The following ZNF385D variants were observed in gnomAD, a reference collection of about 807,000 sequenced individuals.
ZNF385D encodes zinc finger protein 659.
ZNF385D carries 15 observed loss-of-function variants against 35.8 expected under a neutral mutation model. That is an observed-to-expected ratio of 0.42 (90% CI 0.28 to 0.64). The LOEUF (loss-of-function observed/expected upper bound fraction) is 0.64. Ranked by LOEUF, ZNF385D falls within the 30% of genes least tolerant of loss-of-function variation. The pLI, the probability that ZNF385D is intolerant of heterozygous loss-of-function variation, is 0.23. For synonymous variants in ZNF385D, 212 were observed against 186.8 expected, an observed-to-expected ratio of 1.13 and a Z score of -1.10; for missense variants, 474 against 494.6, an observed-to-expected ratio of 0.96 and a Z score of 0.39.
chr3:22,223,666 T>A (rs1698390690), intron 2 of ZNF385D, among the ~76,000 whole-genome samples: 1 of 152,278 alleles, frequency 6.6e-6, no homozygotes, highest in African/African-American at 2.4e-5. Context: ...CTAAATATAT[T>A]TTAATAATTT....
At chr3:21,981,500 T>C (rs1694448948) in intron 3 of ZNF385D, among the ~76,000 whole-genome samples, 1 of 152,160 alleles carries the variant, frequency 6.6e-6, no homozygotes, top group South Asian at 2.1e-4. Flanking sequence ...AAAAATTTCC[T>C]CTCATTCCGT....
At chr3:22,277,748 T>G (rs533237234) in intron 2 of ZNF385D, among the ~76,000 whole-genome samples, 1 of 152,170 alleles carries the variant, frequency 6.6e-6, no homozygotes, top group East Asian at 1.9e-4. Context: ...GAGGCAAATT[T>G]TAGATTCATA....
At chr3:22,124,693 ATTTG>A (rs1183969272) in intron 3 of ZNF385D, among the ~76,000 whole-genome samples, 3 of 152,040 alleles carry the variant, frequency 2.0e-5, no homozygotes, top group Non-Finnish European at 2.9e-5. Flanking sequence ...ATTTTCATAT[ATTTG>A]TTTGCTATTT....
chr3:21,841,697 T>A (rs777313424), intron 3 of ZNF385D, among the ~76,000 whole-genome samples: 1 of 152,000 alleles, frequency 6.6e-6, no homozygotes. Flanking sequence ...AGTATAAGTA[T>A]GCATAATTCT....
intron 2 of ZNF385D, among the ~76,000 whole-genome samples, chr3:21,664,316 C>T (rs1050894578): frequency 2.0e-5 from 3 of 151,748 alleles, no homozygotes; most frequent in African/African-American, 7.3e-5. Context: ...TTGACAAAGC[C>T]CAAAGAAACA....
intron 1 of ZNF385D, among the ~76,000 whole-genome samples, chr3:21,713,192 C>T (rs1333705572): frequency 6.6e-6 from 1 of 152,146 alleles, no homozygotes. Flanking sequence ...GCTCACCAAC[C>T]TCAAAGGAAG....
Position 22,074,000 on chromosome 3 carries a change from T to C in ZNF385D, c.325+94817A>G, listed in dbSNP as rs374094139. On this transcript the variant is annotated intron_variant, in intron 3 of 5. Transcript: ENST00000494108. ...TTTCTGCTTATACTAAAGTACATTGTCTTAATGTTCTCTTCATATGTCCAG... is the reference window on the plus strand; with the variant it reads ...TTTCTGCTTATACTAAAGTACATTGCCTTAATGTTCTCTTCATATGTCCAG... 5.9e-5 allele frequency among the ~76,000 whole-genome samples: 9 copies of C among 152,120 alleles called. No individual in the cohort carries two copies. The East Asian group carries it at 1.5e-3, about 26-fold the overall frequency.
intron 3 of ZNF385D, among the ~76,000 whole-genome samples, chr3:21,807,516 T>A (rs1002377955): frequency 6.6e-6 from 1 of 152,176 alleles, no homozygotes; most frequent in African/African-American, 2.4e-5. Context: ...GCTTTGGAGT[T>A]TTTTGAAGAT....
chr3:22,003,953 A>T (rs936068505), intron 3 of ZNF385D, among the ~76,000 whole-genome samples: 1 of 81,210 alleles, frequency 1.2e-5, no homozygotes, highest in Non-Finnish European at 3.2e-5. Flanking sequence ...AATCCTGAGT[A>T]AAAAAAAACA....
At chr3:22,261,402 G>A (rs1415001293) in intron 2 of ZNF385D, among the ~76,000 whole-genome samples, 2 of 151,970 alleles carry the variant, frequency 1.3e-5, no homozygotes, top group South Asian at 2.1e-4. Context: ...GAATTAGCTT[G>A]GTAAGGCTAG....
chr3:21,699,133 A>G (rs2067578387), intron 1 of ZNF385D, among the ~76,000 whole-genome samples: 1 of 152,232 alleles, frequency 6.6e-6, no homozygotes, highest in Admixed American at 6.5e-5. Flanking sequence ...TGTGGCACAT[A>G]TACCCCATGG....
intron 2 of ZNF385D, among the ~76,000 whole-genome samples, chr3:22,172,336 C>A (rs1329162987): frequency 1.3e-5 from 2 of 152,132 alleles, no homozygotes; most frequent in African/African-American, 4.8e-5. Flanking sequence ...TGCAGACTCA[C>A]AGGAATAATT....
chr3:21,594,073 G>T (rs962636877), intron 2 of ZNF385D, among the ~76,000 whole-genome samples: 1 of 152,146 alleles, frequency 6.6e-6, no homozygotes, highest in African/African-American at 2.4e-5. Flanking sequence ...AAGAACACAG[G>T]GAATGAAAGG....
chr3:21,859,152 G>A (rs1365014000), intron 3 of ZNF385D, among the ~76,000 whole-genome samples: 2 of 152,048 alleles, frequency 1.3e-5, no homozygotes, highest in Non-Finnish European at 2.9e-5. Context: ...TCTGTAAATA[G>A]TAAGGAAACA....
intron 3 of ZNF385D, among the ~76,000 whole-genome samples, chr3:22,093,172 AGTT>A (rs1313636438): frequency 6.6e-6 from 1 of 152,094 alleles, no homozygotes; most frequent in Non-Finnish European, 1.5e-5. Context: ...GGAAAAAAAA[AGTT>A]GTTAATTGTG....
intron 3 of ZNF385D, among the ~76,000 whole-genome samples, chr3:21,824,145 T>G (rs555866355): frequency 8.5e-5 from 13 of 152,334 alleles, no homozygotes; most frequent in African/African-American, 2.9e-4. Flanking sequence ...AAACATGACT[T>G]CTTTCAAAAT....
At position 21,704,750 on chromosome 3, in the gene ZNF385D, C is replaced by T. The variant is rs115654523; in HGVS notation, c.23-39722G>A. ...GCATTAAATCATGTTTTGTTCATCA[C>T]AGTATCCCCAGTACCTAGAACAGTA... On this transcript the variant is annotated intron_variant, in intron 1 of 7. Coordinates refer to ENST00000281523, the MANE Select transcript of ZNF385D (RefSeq NM_024697.3). Among the ~76,000 whole-genome samples, 729 of 152,246 alleles carry T rather than the reference C, an allele frequency of 4.8e-3. 6 individuals are homozygous for T. The highest frequency in any genetic ancestry group is 0.016 in the African/African-American group (675 of 41,550).
At chr3:22,076,120 T>C (rs544909815) in intron 3 of ZNF385D, among the ~76,000 whole-genome samples, 1 of 152,090 alleles carries the variant, frequency 6.6e-6, no homozygotes, top group Non-Finnish European at 1.5e-5. Flanking sequence ...TCACTTCTAA[T>C]TTGCCTCCTT....
chr3:21,874,644 G>A (rs867648112), intron 3 of ZNF385D, among the ~76,000 whole-genome samples: 1 of 152,022 alleles, frequency 6.6e-6, no homozygotes, highest in Middle Eastern at 3.2e-3. Context: ...ATGTAGCTTT[G>A]TAATATGTTT....
Sources: allele counts gnomAD v4.1 joint callset (sites outside exome capture counted in the v4.1 genomes callset), GRCh38; gene constraint gnomAD v4.1.1; transcripts MANE v1.5; gene names NCBI Gene and HGNC (gene_info 2026-07-23, HGNC 2026-07-21).